Variants in LSP1 observed in about 807,000 individuals in gnomAD.
LSP1 encodes lymphocyte specific protein 1.
LSP1 carries 32 observed loss-of-function variants against 49.3 expected under a neutral mutation model. That is an observed-to-expected ratio of 0.65 (90% CI 0.49 to 0.87). The LOEUF is 0.87. Among genes scored for constraint, LSP1 ranks in the 40% least tolerant of loss-of-function variants. The pLI is 0.00. For synonymous variants in LSP1, 179 were observed against 178.8 expected (o/e 1.00, Z -0.01); for missense variants, 428 against 442.6 (o/e 0.97, Z 0.30).
intron 3 of LSP1, among the ~76,000 whole-genome samples, chr11:1,881,929 C>A (rs892214834): frequency 2.0e-5 from 3 of 152,178 alleles, no homozygotes; most frequent in Non-Finnish European, 2.9e-5. Flanking sequence ...CCCATCCAGG[C>A]AGCTGCGAGG....
At chr11:1,872,389 T>C (rs1375067441) in intron 1 of LSP1, among the ~76,000 whole-genome samples, 3 of 140,886 alleles carry the variant, frequency 2.1e-5, no homozygotes, top group Non-Finnish European at 3.1e-5. Flanking sequence ...TGGGCACCTT[T>C]GGGACGGGGT....
intron 10 of LSP1, chr11:1,890,065 C>T: frequency 1.4e-6 from 1 of 711,072 alleles, no homozygotes; most frequent in Non-Finnish European, 2.6e-6. Flanking sequence ...TGGGTGCCCC[C>T]ACCCCCAGAG....
At chr11:1,870,909 C>A in intron 1 of LSP1, 1 of 985,810 alleles carries the variant, frequency 1.0e-6, no homozygotes, top group Non-Finnish European at 1.2e-6. Flanking sequence ...CTGGCCCAGG[C>A]GCCGCAGCGC....
chr11:1,880,218 A>C lies in LSP1; in HGVS notation c.185A>C (p.Glu62Ala). Residue 62 changes from glutamate (E) to alanine (A), a missense_variant, in exon 2 of 11, where the codon GAG becomes GCG. Glu to Ala is a moderately radical substitution (Grantham distance 107, BLOSUM62 -1). Transcript: ENST00000311604. ...CATGTCCCCGAGCGGCCGAAGCAGG[A>C]GATGCTGTGAGCAGCCCCATAACGC... ...GGHVPERPKQEMLLSLKPSEA... is the reference protein window; with the variant it reads ...GGHVPERPKQAMLLSLKPSEA... 6.3e-7 allele frequency: 1 copy of C among 1,595,710 alleles called. No homozygotes were observed. The highest frequency in any genetic ancestry group is 8.6e-7 in the Non-Finnish European group (1 of 1,168,970).
intron 1 of LSP1, among the ~76,000 whole-genome samples, chr11:1,872,275 C>T (rs1184277917): frequency 7.7e-6 from 1 of 130,430 alleles, no homozygotes; most frequent in Non-Finnish European, 1.6e-5. Context: ...TGGGGTCTGT[C>T]CGGCTGGCGT....
In LSP1 at chr11:1,857,755, C is replaced by CTATT. The variant is rs1208720355; in HGVS notation, c.53+4572_53+4575dup. On this transcript the variant is annotated intron_variant, in intron 1 of 10. Transcript: ENST00000311604. Reference sequence around the variant, plus strand: ...TCACTCCATGCCAGTCTTTGCCAAGCTATTTATTTATTTATTTGAGACAGA... The same window carrying CTATT: ...TCACTCCATGCCAGTCTTTGCCAAGCTATTTATTTATTTATTTATTTGAGACAGA... Among the ~76,000 whole-genome samples, 10 of 152,246 alleles carry CTATT rather than the reference C, an allele frequency of 6.6e-5. No homozygotes were observed. The Middle Eastern group carries it at 0.01, about 155-fold the overall frequency.
chr11:1,874,079 G>C (rs1278205275), intron 1 of LSP1, among the ~76,000 whole-genome samples: 13 of 143,280 alleles, frequency 9.1e-5, no homozygotes, highest in African/African-American at 1.1e-4. Flanking sequence ...GCAGAGGAGG[G>C]AGGCCGGCAG....
chr11:1,867,046 A>C (rs1446668008), intron 1 of LSP1: 3 of 931,078 alleles, frequency 3.2e-6, no homozygotes, highest in Non-Finnish European at 4.7e-6. Flanking sequence ...CCTGGGGAGG[A>C]GGCACTGAAG....
At chr11:1,856,832 C>T (rs771006861) in intron 1 of LSP1, among the ~76,000 whole-genome samples, 18 of 152,256 alleles carry the variant, frequency 1.2e-4, no homozygotes, top group Non-Finnish European at 1.8e-4. Context: ...CAATGCTCCA[C>T]GCTGGGGCAG....
intron 1 of LSP1, among the ~76,000 whole-genome samples, chr11:1,856,239 C>A (rs1847486984): frequency 6.6e-6 from 1 of 152,232 alleles, no homozygotes; most frequent in Non-Finnish European, 1.5e-5. Context: ...AGCGACCAGG[C>A]CGTGTCTCCC....
chr11:1,871,200 CAGG>C, intron 1 of LSP1: 1 of 986,138 alleles, frequency 1.0e-6, no homozygotes, highest in Non-Finnish European at 1.2e-6. Context: ...GCACGCAGAA[CAGG>C]AGGAGGGGGG....
chr11:1,879,565 G>A (rs577027488), intron 1 of LSP1, among the ~76,000 whole-genome samples: 3 of 152,292 alleles, frequency 2.0e-5, no homozygotes, highest in African/African-American at 4.8e-5. Flanking sequence ...CTCAGCCTTC[G>A]ACCTCCCCTT....
chr11:1,890,616 C>A, intron 10 of LSP1: 1 of 689,576 alleles, frequency 1.5e-6, no homozygotes, highest in Non-Finnish European at 2.7e-6. Flanking sequence ...GGACAGTGGT[C>A]AGGCCAGCCC....
chr11:1,853,226 C>G (rs767033262), intron 1 of LSP1, 29 bp downstream of exon 1: 1 of 1,600,522 alleles, frequency 6.2e-7, no homozygotes, highest in South Asian at 1.1e-5. Context: ...GCCCGGCGCC[C>G]TGTGCCGTGT....
Position 1,886,832 on chromosome 11 carries a change from A to G in LSP1, c.818A>G (p.Gln273Arg). The G allele has an allele frequency of 1.2e-6, 2 of 1,611,726 alleles. No individual in the cohort carries two copies. Among genetic ancestry groups the G allele is most frequent in the Non-Finnish European group, 1.7e-6 (2 of 1,179,760 alleles). ...AGTCGGTGGGAGACGGGTGAGGTACAGGCTCAGTCTGCGGCCAAGACTCCG... is the reference window on the plus strand; with the variant it reads ...AGTCGGTGGGAGACGGGTGAGGTACGGGCTCAGTCTGCGGCCAAGACTCCG... ...TKSRWETGEV[Q>R]AQSAAKTPSC... is the part of the protein sequence containing the mutation. The change falls in exon 8 of 11, where the codon CAG becomes CGG. Residue 273 changes from glutamine to arginine, a missense_variant. Transcript: ENST00000311604.
chr11:1,871,378 C>T (rs1223870622), intron 1 of LSP1: 8 of 986,088 alleles, frequency 8.1e-6, no homozygotes, highest in African/African-American at 1.7e-5. Flanking sequence ...AGGGTGCTGC[C>T]GGCACAGGGC....
intron 1 of LSP1, among the ~76,000 whole-genome samples, chr11:1,857,223 A>G (rs1565069041): frequency 6.6e-6 from 1 of 152,148 alleles, no homozygotes; most frequent in African/African-American, 2.4e-5. Flanking sequence ...TCTGGAAGCC[A>G]GAATCCTTTC....
intron 2 of LSP1, among the ~76,000 whole-genome samples, chr11:1,880,446 G>T (rs1426806660): frequency 1.3e-5 from 2 of 152,026 alleles, no homozygotes; most frequent in Non-Finnish European, 2.9e-5. Flanking sequence ...CCTCCTGGGC[G>T]CTGACCCAGG....
At position 1,884,077 on chromosome 11, in the gene LSP1, C is replaced by G. The variant is rs1848657834; in HGVS notation, c.591+53C>G. On this transcript the variant is annotated intron_variant, in intron 5 of 10. Transcript: ENST00000311604. The surrounding 1 kb of genome is among the most constrained non-coding windows in gnomAD (Gnocchi z 4.1). ...TTCTCCCCTCTCCCGTACTCATACC[C>G]AAAAGGCCAATCCCACATGCCAGCC... is the stretch of plus-strand genomic sequence containing the variant. 39 of 1,545,634 alleles carry G rather than the reference C, an allele frequency of 2.5e-5. 1 individual carries two copies. Among genetic ancestry groups the G allele is most frequent in the Middle Eastern group, 3.4e-4 (2 of 5,800 alleles).
Sources: gnomAD v4.1 joint callset for allele counts (sites outside exome capture counted in the v4.1 genomes callset) on GRCh38, gnomAD v4.1.1 for gene constraint, Gnocchi (gnomAD v3.1) non-coding constraint, MANE v1.5 for transcripts, NCBI Gene and HGNC (gene_info 2026-07-23, HGNC 2026-07-21) for gene names.